IL1RAPL2: variants seen among roughly 807,000 people sequenced by gnomAD.
IL1RAPL2 encodes interleukin 1 receptor accessory protein like 2.
IL1RAPL2 carries 3 observed loss-of-function variants against 44.1 expected under a neutral mutation model. The ratio of observed to expected loss-of-function variants is 0.07; its 90% CI spans 0.03 to 0.18. IL1RAPL2 has a LOEUF of 0.18. Among genes scored for constraint, IL1RAPL2 ranks in the 10% least tolerant of loss-of-function variants. The pLI is 1.00. For missense variants in IL1RAPL2, 391 were observed against 496.4 expected (o/e 0.79, Z 2.02); for synonymous variants, 181 against 178.8 (o/e 1.01, Z -0.10).
intron 1 of IL1RAPL2, among the ~76,000 whole-genome samples, chrX:104,583,257 A>G (rs1027587666): frequency 1.8e-5 from 2 of 111,350 alleles, no homozygotes; most frequent in African/African-American, 6.5e-5. Context: ...TTTACATAAC[A>G]TAAATTTATC....
At chrX:104,886,360 C>A (rs1341761280) in intron 2 of IL1RAPL2, among the ~76,000 whole-genome samples, 1 of 110,110 alleles carries the variant, frequency 9.1e-6, no homozygotes, top group East Asian at 2.9e-4. Context: ...TTTGGAAGGG[C>A]AAAAAATGCC....
chrX:105,229,470 A>C (rs907922902), intron 3 of IL1RAPL2, among the ~76,000 whole-genome samples: 21 of 112,181 alleles, frequency 1.9e-4, no homozygotes, highest in Non-Finnish European at 3.4e-4. Context: ...TTCACATGTC[A>C]GCATCTATTC....
chrX:105,288,415 A>T (rs959765605), intron 5 of IL1RAPL2, among the ~76,000 whole-genome samples: 3 of 110,015 alleles, frequency 2.7e-5, no homozygotes, highest in Non-Finnish European at 3.8e-5. Context: ...CTTTTGAAAA[A>T]AAAAAACAGC....
intron 5 of IL1RAPL2, among the ~76,000 whole-genome samples, chrX:105,306,015 T>C (rs2034734208): frequency 1.0e-5 from 1 of 98,278 alleles, no homozygotes; most frequent in Non-Finnish European, 1.9e-5. Context: ...TTATACTTCA[T>C]TTTATAACTA....
At chrX:104,694,269 G>A (rs920707916) in intron 2 of IL1RAPL2, among the ~76,000 whole-genome samples, 22 of 111,556 alleles carry the variant, frequency 2.0e-4, no homozygotes, top group Non-Finnish European at 3.2e-4. Flanking sequence ...TTCATACCAG[G>A]CATTTGGTTT....
At chrX:105,511,253 AT>A (rs200005606) in intron 6 of IL1RAPL2, among the ~76,000 whole-genome samples, 8 of 111,533 alleles carry the variant, frequency 7.2e-5, no homozygotes, top group African/African-American at 2.6e-4. Context: ...TGACATAACA[AT>A]TTTCTATCAC....
At chrX:104,917,840 A>G (rs1569342466) in intron 2 of IL1RAPL2, among the ~76,000 whole-genome samples, 1 of 111,835 alleles carries the variant, frequency 8.9e-6, no homozygotes, top group Non-Finnish European at 1.9e-5. Flanking sequence ...AGAGTTTCGG[A>G]CTGAATTCTA....
At chrX:105,371,496 A>G (rs2147717684) in intron 5 of IL1RAPL2, among the ~76,000 whole-genome samples, 1 of 111,584 alleles carries the variant, frequency 9.0e-6, no homozygotes, top group African/African-American at 3.3e-5. Context: ...AGACAAAAGT[A>G]AGGAACAAAA....
intron 6 of IL1RAPL2, among the ~76,000 whole-genome samples, chrX:105,531,941 G>A (rs1326483983): frequency 9.0e-6 from 1 of 111,440 alleles, no homozygotes; most frequent in Non-Finnish European, 1.9e-5. Context: ...CCAGTACCAT[G>A]CTGTTTGGGT....
intron 2 of IL1RAPL2, among the ~76,000 whole-genome samples, chrX:104,863,209 T>C (rs1922535374): frequency 9.0e-6 from 1 of 111,496 alleles, no homozygotes; most frequent in Admixed American, 9.6e-5. Flanking sequence ...AATCTGAGTA[T>C]ACTTGCTCAG....
At position 104,574,745 on chromosome X, in the gene IL1RAPL2, A is replaced by T. The variant is rs145942890; in HGVS notation, c.-20+7694A>T. Among the ~76,000 whole-genome samples the T allele has an allele frequency of 3.4e-3, 379 of 112,056 alleles. 3 individuals are homozygous for T. The highest frequency in any genetic ancestry group is 0.024 in the East Asian group (86 of 3,568). ...AGACAAAGCAGACCTACATTTATTG[A>T]TATGGAAATATATCCATAAATATAA... On this transcript the variant is annotated intron_variant, in intron 1 of 10. Coordinates refer to ENST00000372582, the MANE Select transcript of IL1RAPL2 (RefSeq NM_017416.2).
chrX:104,895,498 C>G (rs1235982431), intron 2 of IL1RAPL2, among the ~76,000 whole-genome samples: 2 of 112,661 alleles, frequency 1.8e-5, no homozygotes, highest in African/African-American at 3.2e-5. Flanking sequence ...GCGCCACTCT[C>G]CCAGCCTCGC....
intron 6 of IL1RAPL2, among the ~76,000 whole-genome samples, chrX:105,488,786 C>A (rs1214954164): frequency 9.0e-6 from 1 of 111,651 alleles, no homozygotes; most frequent in Non-Finnish European, 1.9e-5. Context: ...GTTCTCAGTT[C>A]TGAATATTTC....
chrX:105,038,718 G>T (rs1419390062), intron 2 of IL1RAPL2, among the ~76,000 whole-genome samples: 1 of 110,384 alleles, frequency 9.1e-6, no homozygotes, highest in Non-Finnish European at 1.9e-5. Flanking sequence ...CCTCAAGTAA[G>T]CCCTGGTGTC....
intron 2 of IL1RAPL2, among the ~76,000 whole-genome samples, chrX:105,175,397 C>A (rs1003694801): frequency 3.6e-5 from 4 of 111,092 alleles, no homozygotes; most frequent in Non-Finnish European, 7.6e-5. Flanking sequence ...ATAATTATGT[C>A]CATTTTACAG....
At chrX:105,705,525 T>C (rs1423818545) in intron 6 of IL1RAPL2, among the ~76,000 whole-genome samples, 2 of 110,856 alleles carry the variant, frequency 1.8e-5, no homozygotes, top group East Asian at 5.7e-4. Context: ...AGTAGAGAGA[T>C]GGGTGTAACA....
rs189102513 is a variant in IL1RAPL2 at position 104,916,964 on chromosome X, G to A, written c.82+257969G>A. On this transcript the variant is annotated intron_variant, in intron 2 of 10. Transcript: ENST00000372582. ...AGCTTTTTGATGTGCTGCTGGATTC[G>A]GTTTGCCAGTATTTTATTGAGGATT... 6.3e-5 allele frequency among the ~76,000 whole-genome samples: 7 copies of A among 111,335 alleles called. No individual in the cohort carries two copies. In the East Asian group the frequency reaches 1.4e-3, roughly 22 times the overall value.
intron 5 of IL1RAPL2, among the ~76,000 whole-genome samples, chrX:105,298,124 T>C (rs940928579): frequency 6.5e-4 from 72 of 111,415 alleles, no homozygotes; most frequent in African/African-American, 2.3e-3. Flanking sequence ...ATCCTTATCA[T>C]TTTTTGTTAT....
intron 2 of IL1RAPL2, among the ~76,000 whole-genome samples, chrX:105,014,665 T>C (rs2031134768): frequency 8.9e-6 from 1 of 112,503 alleles, no homozygotes; most frequent in South Asian, 3.7e-4. Context: ...TATGGCTGCA[T>C]AGTATTCCAT....
Sources: gnomAD v4.1 joint callset for allele counts (sites outside exome capture counted in the v4.1 genomes callset) on GRCh38, gnomAD v4.1.1 for gene constraint, MANE v1.5 for transcripts, NCBI Gene and HGNC (gene_info 2026-07-23, HGNC 2026-07-21) for gene names.